The following WSCD1 variants were observed in gnomAD, a reference collection of about 807,000 sequenced individuals.
WSCD1 encodes WSC domain sialate O sulfotransferase 1.
Under a neutral mutation model 60.4 loss-of-function variants are expected in WSCD1, and 41 were observed. The ratio of observed to expected loss-of-function variants is 0.68; its 90% CI spans 0.53 to 0.88. The LOEUF (loss-of-function observed/expected upper bound fraction) is 0.88. WSCD1 is among the 40% of genes least tolerant of loss of function. WSCD1 has a pLI of 0.00. For missense variants in WSCD1, 784 were observed against 796.2 expected (o/e 0.98, Z 0.18); for synonymous variants, 361 against 332.5 (o/e 1.09, Z -0.93).
In WSCD1 at chr17:6,080,214, G is replaced by C. The variant is rs1298518386; in HGVS notation, c.-288-157G>C. ...CTACCCAGTGTCACACAGCTGGCCA[G>C]TAACAAAGCTGGGATTTAAACCTGG... On this transcript the variant is annotated intron_variant, in intron 1 of 8. Transcript: ENST00000317744. The surrounding 1 kb of genome is among the most constrained non-coding windows in gnomAD (Gnocchi z 6.6). The C allele has an allele frequency of 5.3e-6, 1 of 190,138 alleles. No individual in the cohort carries two copies. The highest frequency in any genetic ancestry group is 1.1e-5 in the Non-Finnish European group (1 of 94,078). The allele number at this position is 190,138 out of a possible 1,614,324, so 11.8% of individuals were successfully genotyped here. A position where few individuals can be genotyped will look rare whatever the true frequency, so the allele number is the denominator to read the frequency against.
chr17:6,095,999 A>G (rs140692493), intron 5 of WSCD1, among the ~76,000 whole-genome samples: 7 of 152,184 alleles, frequency 4.6e-5, no homozygotes, highest in African/African-American at 1.7e-4. Context: ...TGGCAATGTA[A>G]TAGAACAGGG....
intron 7 of WSCD1, among the ~76,000 whole-genome samples, chr17:6,114,768 C>T (rs1259701595): frequency 3.3e-5 from 5 of 151,936 alleles, no homozygotes; most frequent in African/African-American, 2.4e-5. Flanking sequence ...TGGTTTGCTG[C>T]ACCTACCAAC....
intron 1 of WSCD1, among the ~76,000 whole-genome samples, chr17:6,071,974 G>A (rs1039134759): frequency 6.6e-6 from 1 of 152,244 alleles, no homozygotes. Flanking sequence ...TCTGAAGGAG[G>A]CTTGGCGGTG....
chr17:6,072,326 C>T (rs1385705995), intron 1 of WSCD1, among the ~76,000 whole-genome samples: 1 of 152,202 alleles, frequency 6.6e-6, no homozygotes, highest in Non-Finnish European at 1.5e-5. Flanking sequence ...ATCAGTTTGG[C>T]CAGAGCACTG....
At chr17:6,095,304 C>A in intron 5 of WSCD1, 81 bp downstream of exon 5, 1 of 1,478,524 alleles carries the variant, frequency 6.8e-7, no homozygotes. Flanking sequence ...ATGTGCTGGG[C>A]TGCGGGTGTC....
chr17:6,118,252 T>C lies in WSCD1; in HGVS notation c.1375+64T>C. On this transcript the variant is annotated intron_variant, in intron 8 of 8. Transcript: ENST00000317744. This position sits in a 1 kb window ranked among gnomAD's most constrained non-coding sequence, Gnocchi z 5.8. Reference sequence around the variant, plus strand: ...AGTACAGGTAGGTTGCTCATCAGGATGCAGGATCAATTTACACAGGTAGGC... The same window carrying C: ...AGTACAGGTAGGTTGCTCATCAGGACGCAGGATCAATTTACACAGGTAGGC... 6.4e-7 allele frequency: 1 copy of C among 1,551,168 alleles called. No homozygotes were observed. Among genetic ancestry groups the C allele is most frequent in the Non-Finnish European group, 8.8e-7 (1 of 1,138,544 alleles).
rs774837120 is a variant in WSCD1 at position 6,120,315 on chromosome 17, C to T, written c.1382C>T (p.Pro461Leu). Residue 461 changes from proline (P) to leucine (L), a missense_variant, in exon 9 of 9, where the codon CCG becomes CTG. Coordinates refer to ENST00000317744, the MANE Select transcript of WSCD1 (RefSeq NM_015253.2). ...TCTCCTGTCCTCACTCTAGAGTGGC[C>T]GGACTTTGTCAACAGCTACGCCTCG... Reference protein sequence around the residue: ...ADRNWKSKEWPDFVNSYASWW... With the variant: ...ADRNWKSKEWLDFVNSYASWW... 43 of 1,613,220 alleles carry T rather than the reference C, an allele frequency of 2.7e-5. No individual in the cohort carries two copies. The highest frequency in any genetic ancestry group is 6.7e-5 in the African/African-American group (5 of 74,946).
chr17:6,080,858 T>C lies in WSCD1; in HGVS notation c.200T>C (p.Leu67Pro). ...GCCGTGGCGCTGGGCGTGGGCTTGC[T>C]GGACAGCAGAGCCCTGCACGACCCT... ...VAAVALGVGL[L>P]DSRALHDPRV... Residue 67 changes from leucine to proline, a missense_variant, in exon 2 of 9, where the codon CTG (leucine) becomes CCG (proline). Leu to Pro is a moderately conservative substitution (Grantham distance 98). Coordinates refer to ENST00000317744, the MANE Select transcript of WSCD1 (RefSeq NM_015253.2). The surrounding 1 kb of genome is among the most constrained non-coding windows in gnomAD (Gnocchi z 6.6). 6.2e-7 allele frequency: 1 copy of C among 1,606,168 alleles called. No homozygotes were observed. The highest frequency in any genetic ancestry group is 8.5e-7 in the Non-Finnish European group (1 of 1,178,420).
At chr17:6,116,874 C>T (rs377261416) in intron 7 of WSCD1, among the ~76,000 whole-genome samples, 3 of 152,286 alleles carry the variant, frequency 2.0e-5, no homozygotes, top group South Asian at 2.1e-4. Flanking sequence ...TGAGCACTTA[C>T]GGAACATGTC....
intron 7 of WSCD1, among the ~76,000 whole-genome samples, chr17:6,112,935 G>GA (rs1654684204): frequency 6.6e-6 from 1 of 151,882 alleles, no homozygotes; most frequent in South Asian, 2.1e-4. Flanking sequence ...CACAGAAACA[G>GA]AAAAAAACAA....
chr17:6,070,371 G>T, upstream of WSCD1: 1 of 147,534 alleles, frequency 6.8e-6, no homozygotes, highest in South Asian at 1.8e-4. Flanking sequence ...CCGCGCGAGT[G>T]AGCATGTGCA....
intron 4 of WSCD1, among the ~76,000 whole-genome samples, 190 bp downstream of exon 4, chr17:6,090,695 A>G (rs1311476274): frequency 6.6e-6 from 1 of 152,116 alleles, no homozygotes; most frequent in Non-Finnish European, 1.5e-5. Flanking sequence ...TCGAAGGCTT[A>G]ACTGCTTGAG....
intron 3 of WSCD1, among the ~76,000 whole-genome samples, chr17:6,089,085 C>T (rs745465260): frequency 2.0e-5 from 3 of 152,188 alleles, no homozygotes; most frequent in African/African-American, 7.2e-5. Context: ...CCCGGCCTCA[C>T]CTTTGTTATG....
In WSCD1 at chr17:6,122,492, G is replaced by C. The variant is rs759795049; in HGVS notation, c.*1831G>C. 1.3e-5 allele frequency: 2 copies of C among 152,300 alleles called. No individual in the cohort carries two copies. The highest frequency in any genetic ancestry group is 4.8e-5 in the African/African-American group (2 of 41,468). 9.4% of individuals were successfully genotyped at this position (152,300 alleles called of 1,614,324 possible). A position where few individuals can be genotyped will look rare whatever the true frequency, so the allele number is the denominator to read the frequency against. On this transcript the variant is annotated 3_prime_UTR_variant, in exon 9 of 9. Coordinates refer to ENST00000317744, the MANE Select transcript of WSCD1 (RefSeq NM_015253.2). ...CGGCATCCAATCTGCGAAGGCCCCT[G>C]ATGGAGCTATTTCTTCCTAGTATCA...
intron 8 of WSCD1, 69 bp from the exon 9 acceptor site, chr17:6,120,240 G>A (rs1567563437): frequency 1.3e-6 from 2 of 1,533,956 alleles, no homozygotes; most frequent in East Asian, 4.5e-5. Context: ...CTCCCGAGCA[G>A]CCCCCCGGGG....
intron 2 of WSCD1, among the ~76,000 whole-genome samples, chr17:6,086,253 A>ATATATATATATATATC (rs1909638234): frequency 9.2e-6 from 1 of 109,282 alleles, no homozygotes; most frequent in African/African-American, 3.3e-5. Context: ...CTGACTTCAT[A>ATATATATATATATATC]TATATATATA....
chr17:6,120,306 T>A lies in WSCD1; in HGVS notation c.1376-3T>A, dbSNP rs1904588899. 1 of 1,612,708 alleles carries A rather than the reference T, an allele frequency of 6.2e-7. No homozygotes were observed. The highest frequency in any genetic ancestry group is 1.7e-5 in the Admixed American group (1 of 59,994). On this transcript the variant is annotated splice_region_variant and splice_polypyrimidine_tract_variant and intron_variant, in intron 8 of 8. Transcript: ENST00000317744. Reference sequence around the variant, plus strand: ...CTCTGCATCTCTCCTGTCCTCACTCTAGAGTGGCCGGACTTTGTCAACAGC... The same window carrying A: ...CTCTGCATCTCTCCTGTCCTCACTCAAGAGTGGCCGGACTTTGTCAACAGC...
Position 6,122,657 on chromosome 17 carries a change from C to CAA in WSCD1, c.*1998_*1999dup. On this transcript the variant is annotated 3_prime_UTR_variant, in exon 9 of 9. Coordinates refer to ENST00000317744, the MANE Select transcript of WSCD1 (RefSeq NM_015253.2). ...GGGAAGCCATGGAGGCTGGGAAGGG[C>CAA]AAAGTGTGGAGAGAGGAGTGACCGG... 1 of 152,836 alleles carries CAA rather than the reference C, an allele frequency of 6.5e-6. No individual in the cohort carries two copies. Among genetic ancestry groups the CAA allele is most frequent in the East Asian group, 1.9e-4 (1 of 5,184 alleles). 9.5% of individuals were successfully genotyped at this position (152,836 alleles called of 1,614,324 possible). A position where few individuals can be genotyped will look rare whatever the true frequency, so the allele number is the denominator to read the frequency against.
intron 5 of WSCD1, among the ~76,000 whole-genome samples, chr17:6,098,957 G>A (rs1246415017): frequency 6.6e-6 from 1 of 152,148 alleles, no homozygotes; most frequent in Non-Finnish European, 1.5e-5. Flanking sequence ...ATGTGGGGCA[G>A]TGTTGGCAGG....
Sources: allele counts gnomAD v4.1 joint callset (sites outside exome capture counted in the v4.1 genomes callset), GRCh38; gene constraint gnomAD v4.1.1; non-coding constraint Gnocchi (gnomAD v3.1); transcripts MANE v1.5; gene names NCBI Gene and HGNC (gene_info 2026-07-23, HGNC 2026-07-21).